INPP5D: variants seen among roughly 807,000 people sequenced by gnomAD.
INPP5D encodes the protein phosphatidylinositol 3,4,5-trisphosphate 5-phosphatase 1.
INPP5D carries 33 observed loss-of-function variants against 122.9 expected under a neutral mutation model. The ratio of observed to expected loss-of-function variants is 0.27; its 90% CI spans 0.20 to 0.36. The LOEUF (loss-of-function observed/expected upper bound fraction) is 0.36. Ranked by LOEUF, INPP5D falls within the 10% of genes least tolerant of loss-of-function variation. INPP5D has a pLI of 1.00. For missense variants in INPP5D, 1,053 were observed against 1,412.7 expected, an observed-to-expected ratio of 0.75 and a Z score of 4.08; for synonymous variants, 584 against 576.2, an observed-to-expected ratio of 1.01 and a Z score of -0.19.
At chr2:233,187,032 A>T (rs1266412282) in intron 21 of INPP5D, among the ~76,000 whole-genome samples, 2 of 151,354 alleles carry the variant, frequency 1.3e-5, no homozygotes, top group East Asian at 1.9e-4. Flanking sequence ...ATTTTTTTTT[A>T]AATTAGCCAG....
rs193232140 is a variant in INPP5D, at chr2:233,105,392, C to T, written c.199-16715C>T. On this transcript the variant is annotated intron_variant, in intron 2 of 26. Transcript: ENST00000445964. This position sits in a 1 kb window ranked among gnomAD's most constrained non-coding sequence, Gnocchi z 4.0. Reference sequence around the variant, plus strand: ...ACCTCCTATTCACCTGAAGTAGGAGCATCTCAGCTGCAGAGTAGCTTCTTT... The same window carrying T: ...ACCTCCTATTCACCTGAAGTAGGAGTATCTCAGCTGCAGAGTAGCTTCTTT... 2.6e-4 allele frequency among the ~76,000 whole-genome samples: 40 copies of T among 152,336 alleles called. 2 individuals carry two copies. In the East Asian group the frequency reaches 7.3e-3, roughly 28 times the overall value.
chr2:233,116,378 C>T lies in INPP5D; in HGVS notation c.199-5729C>T, dbSNP rs534683677. On this transcript the variant is annotated intron_variant, in intron 2 of 26. Transcript: ENST00000445964. The stretch of plus-strand genomic sequence containing the variant: ...GATTGTGGCTCACTGCAACCTCCAC[C>T]TCCTGGGTTCAAGCAATCCTCCCAC... Among the ~76,000 whole-genome samples, 9 of 147,834 alleles carry T rather than the reference C, an allele frequency of 6.1e-5. No homozygotes were observed. The East Asian group carries it at 1.4e-3, about 24-fold the overall frequency.
chr2:233,064,354 C>T (rs1480389799), intron 1 of INPP5D, among the ~76,000 whole-genome samples: 1 of 152,260 alleles, frequency 6.6e-6, no homozygotes, highest in African/African-American at 2.4e-5. Flanking sequence ...CACATGTGGC[C>T]TTCCACAGGC....
intron 2 of INPP5D, among the ~76,000 whole-genome samples, chr2:233,098,245 G>A (rs1692202903): frequency 6.6e-6 from 1 of 152,162 alleles, no homozygotes; most frequent in Admixed American, 6.6e-5. Context: ...GGAGGAGGAT[G>A]CAAGTCAAAG....
At chr2:233,168,005 C>CAAAAAAAA (rs58025565) in intron 13 of INPP5D, among the ~76,000 whole-genome samples, 116 of 72,646 alleles carry the variant, frequency 1.6e-3, no homozygotes, top group Admixed American at 2.3e-3. Flanking sequence ...ACTCTGTCTC[C>CAAAAAAAA]AAAAAAAAAA....
At chr2:233,132,777 G>A (rs1574753691) in intron 5 of INPP5D, among the ~76,000 whole-genome samples, 1 of 152,118 alleles carries the variant, frequency 6.6e-6, no homozygotes, top group Admixed American at 6.5e-5. Flanking sequence ...TGGGTGCTGG[G>A]ATGTAGCAAC....
At position 233,119,092 on chromosome 2, in the gene INPP5D, T is replaced by C. The variant is rs544374443; in HGVS notation, c.199-3015T>C. ...ATAAGTCTATAATCAATGTGTAACATAGTCTGTGGTTCAGCTTCTTAGCAG... is the reference window on the plus strand; with the variant it reads ...ATAAGTCTATAATCAATGTGTAACACAGTCTGTGGTTCAGCTTCTTAGCAG... On this transcript the variant is annotated intron_variant, in intron 2 of 26. Coordinates refer to ENST00000445964, the MANE Select transcript of INPP5D (RefSeq NM_001017915.3). 1.2e-4 allele frequency among the ~76,000 whole-genome samples: 18 copies of C among 152,342 alleles called. No homozygotes were observed. The East Asian group carries it at 3.1e-3, about 26-fold the overall frequency.
chr2:233,168,536 T>C (rs1354839060), intron 13 of INPP5D, among the ~76,000 whole-genome samples: 2 of 152,382 alleles, frequency 1.3e-5, no homozygotes, highest in East Asian at 1.9e-4. Context: ...TGAAAGCAGC[T>C]ACAGACAATC....
chr2:233,121,198 C>A (rs1254291457), intron 2 of INPP5D, among the ~76,000 whole-genome samples: 10 of 136,130 alleles, frequency 7.3e-5, no homozygotes, highest in African/African-American at 2.8e-4. Flanking sequence ...GTGGTGTGAT[C>A]TTGGTTCACT....
chr2:233,097,190 T>C (rs1692167777), intron 2 of INPP5D, among the ~76,000 whole-genome samples: 1 of 152,192 alleles, frequency 6.6e-6, no homozygotes. Flanking sequence ...CTCCTCCTGT[T>C]CCATTGATAG....
At chr2:233,147,353 C>T (rs1693791619) in intron 8 of INPP5D, 118 bp from the exon 9 acceptor site, 1 of 634,696 alleles carries the variant, frequency 1.6e-6, no homozygotes, top group African/African-American at 1.8e-5. Context: ...GCCCAGTGGC[C>T]CCACGAAGGA....
intron 9 of INPP5D, among the ~76,000 whole-genome samples, chr2:233,153,327 C>G (rs1262814602): frequency 1.3e-5 from 2 of 152,178 alleles, no homozygotes; most frequent in African/African-American, 4.8e-5. Flanking sequence ...GGGATGCTTA[C>G]TGAGGTGCAG....
chr2:233,093,784 G>T (rs546560667), intron 2 of INPP5D, among the ~76,000 whole-genome samples: 2 of 152,028 alleles, frequency 1.3e-5, no homozygotes, highest in Admixed American at 6.6e-5. Flanking sequence ...GGGGTGAAAA[G>T]ATTTGCAAAA....
At chr2:233,136,005 A>T (rs1479090174) in intron 5 of INPP5D, among the ~76,000 whole-genome samples, 2 of 152,252 alleles carry the variant, frequency 1.3e-5, no homozygotes, top group Admixed American at 6.5e-5. Flanking sequence ...TGTACATTTT[A>T]AAATCACCTT....
At chr2:233,073,926 A>G (rs1351073767) in intron 1 of INPP5D, among the ~76,000 whole-genome samples, 2 of 152,076 alleles carry the variant, frequency 1.3e-5, no homozygotes, top group African/African-American at 4.8e-5. Flanking sequence ...TTCACAATCA[A>G]TCCCTCCAAT....
intron 6 of INPP5D, among the ~76,000 whole-genome samples, chr2:233,142,699 T>C (rs1693657250): frequency 6.6e-6 from 1 of 152,098 alleles, no homozygotes; most frequent in Admixed American, 6.5e-5. Flanking sequence ...TTAACCTGCC[T>C]TGGCGCCCAC....
In INPP5D at chr2:233,195,408, A is replaced by G. The variant is rs755894738; in HGVS notation, c.2606A>G (p.Lys869Arg). The stretch of plus-strand genomic sequence containing the variant: ...GTCCCTTTCCTTCCAGACTTTGTGA[A>G]GACGGAGCGTGATGAATCCAGTGGG... ...KTREKLYDFVKTERDESSGPK... is the reference protein window; with the variant it reads ...KTREKLYDFVRTERDESSGPK... The change falls in exon 24 of 27, where the codon AAG becomes AGG. Residue 869 changes from lysine to arginine, a missense_variant. Lys to Arg is a conservative substitution (Grantham distance 26). This residue lies in a region of INPP5D where 258 missense variants were observed against 439.1 expected (regional missense o/e 0.59). Transcript: ENST00000445964. 6.2e-7 allele frequency: 1 copy of G among 1,613,716 alleles called. No individual in the cohort carries two copies. Among genetic ancestry groups the G allele is most frequent in the African/African-American group, 1.3e-5 (1 of 75,034 alleles).
At chr2:233,137,461 T>TTG (rs956972978) in intron 5 of INPP5D, among the ~76,000 whole-genome samples, 19 of 126,610 alleles carry the variant, frequency 1.5e-4, no homozygotes, top group African/African-American at 4.9e-4. Flanking sequence ...AACTTTTTTT[T>TTG]TTTTTTTTAT....
chr2:233,122,906 G>GT (rs1359989462), intron 3 of INPP5D, among the ~76,000 whole-genome samples: 1 of 152,230 alleles, frequency 6.6e-6, no homozygotes, highest in African/African-American at 2.4e-5. Flanking sequence ...AATAACGATA[G>GT]TACCTGCCTC....
Sources: allele counts gnomAD v4.1 joint callset (sites outside exome capture counted in the v4.1 genomes callset), GRCh38; gene constraint gnomAD v4.1.1; regional missense constraint gnomAD v4.1.1; non-coding constraint Gnocchi (gnomAD v3.1); transcripts MANE v1.5; gene names NCBI Gene and HGNC (gene_info 2026-07-23, HGNC 2026-07-21).